Variants in DLGAP2 observed in about 807,000 individuals in gnomAD.
DLGAP2 encodes disks large-associated protein 2.
A neutral mutation model predicts 100.3 loss-of-function variants in DLGAP2; 26 were observed. That is an observed-to-expected ratio of 0.26 (90% CI 0.19 to 0.36). DLGAP2 has a LOEUF of 0.36. Ranked by LOEUF, DLGAP2 falls within the 10% of genes least tolerant of loss-of-function variation. The probability of loss-of-function intolerance (pLI) is 1.00; values close to 1 mark genes in which losing one functional copy is unlikely to be tolerated. For missense variants in DLGAP2, 1,858 were observed against 1,453.2 expected, an observed-to-expected ratio of 1.28 and a Z score of -4.53; for synonymous variants, 886 against 630.1, an observed-to-expected ratio of 1.41 and a Z score of -6.08.
chr8:1,505,006 AAAGG>A (rs1348329559), intron 4 of DLGAP2, among the ~76,000 whole-genome samples: 1 of 152,200 alleles, frequency 6.6e-6, no homozygotes, highest in Non-Finnish European at 1.5e-5. Flanking sequence ...ACACAAAAAG[AAAGG>A]AAGGAAGAAG....
chr8:1,114,514 T>G (rs1353619153), intron 2 of DLGAP2, among the ~76,000 whole-genome samples: 2 of 152,126 alleles, frequency 1.3e-5, no homozygotes, highest in Admixed American at 1.3e-4. Context: ...TTTTGGTGGT[T>G]ATTTTTATTT....
chr8:1,026,551 T>A (rs1801806119), intron 2 of DLGAP2, among the ~76,000 whole-genome samples: 2 of 152,254 alleles, frequency 1.3e-5, no homozygotes, highest in Admixed American at 1.3e-4. Flanking sequence ...CTTTGCAGGT[T>A]GTCTTATATT....
chr8:1,243,791 C>T (rs1260161762), intron 2 of DLGAP2, among the ~76,000 whole-genome samples: 2 of 152,164 alleles, frequency 1.3e-5, no homozygotes, highest in African/African-American at 4.8e-5. Context: ...ACCCACCCTG[C>T]CACCATTGAA....
chr8:1,038,083 A>G (rs1430656461), intron 2 of DLGAP2, among the ~76,000 whole-genome samples: 1 of 152,192 alleles, frequency 6.6e-6, no homozygotes, highest in Non-Finnish European at 1.5e-5. Context: ...CGGATGCTGT[A>G]GGTAGGCTGT....
intron 2 of DLGAP2, among the ~76,000 whole-genome samples, chr8:983,140 C>T (rs950675376): frequency 5.9e-5 from 9 of 152,192 alleles, no homozygotes; most frequent in Non-Finnish European, 1.0e-4. Context: ...GCACAAGTTT[C>T]CCATTTAGAT....
chr8:1,250,573 G>T (rs538049909), intron 2 of DLGAP2: 7 of 152,264 alleles, frequency 4.6e-5, no homozygotes, highest in African/African-American at 1.4e-4. Context: ...TCCTGAGCAG[G>T]TAATTATCTC....
rs537657991 is a variant in DLGAP2 at position 1,623,337 on chromosome 8, C to G, written c.1443-3403C>G. Among the ~76,000 whole-genome samples the G allele has an allele frequency of 2.0e-5, 3 of 152,094 alleles. No individual in the cohort carries two copies. The East Asian group carries it at 5.8e-4, about 29-fold the overall frequency. On this transcript the variant is annotated intron_variant, in intron 6 of 14. Coordinates refer to ENST00000637795, the MANE Select transcript of DLGAP2 (RefSeq NM_001346810.2). ...GGCACCAGTGTGTGATGACCTGGCA[C>G]CAGTGTGTGAAGACCTGTGCGTGAT... is the stretch of plus-strand genomic sequence containing the variant.
intron 2 of DLGAP2, among the ~76,000 whole-genome samples, chr8:1,170,007 T>C (rs1236007437): frequency 6.6e-6 from 1 of 151,704 alleles, no homozygotes; most frequent in East Asian, 1.9e-4. Context: ...CAGTATGATA[T>C]TGGCTGTGGG....
intron 1 of DLGAP2, among the ~76,000 whole-genome samples, chr8:896,599 T>C (rs543588055): frequency 3.3e-5 from 5 of 151,978 alleles, no homozygotes; most frequent in Admixed American, 3.3e-4. Context: ...GACGGCGAGG[T>C]GTAGTCACGA....
chr8:1,184,504 A>T (rs558565165), intron 2 of DLGAP2, among the ~76,000 whole-genome samples: 21 of 152,304 alleles, frequency 1.4e-4, no homozygotes, highest in African/African-American at 4.3e-4. Flanking sequence ...CCCGGGGTGC[A>T]CGCGCTGTTC....
At chr8:814,714 G>T (rs1041756817) in intron 1 of DLGAP2, among the ~76,000 whole-genome samples, 1 of 151,576 alleles carries the variant, frequency 6.6e-6, no homozygotes, top group South Asian at 2.1e-4. Flanking sequence ...TTAGCTGGGC[G>T]TGGTGGCAGG....
At chr8:861,735 C>A (rs1013927855) in intron 1 of DLGAP2, among the ~76,000 whole-genome samples, 4 of 152,214 alleles carry the variant, frequency 2.6e-5, no homozygotes, top group Non-Finnish European at 4.4e-5. Context: ...TCCGTTCCTA[C>A]TCAAGGGACA....
chr8:1,117,320 C>T (rs11136348), intron 2 of DLGAP2, among the ~76,000 whole-genome samples: 2 of 152,204 alleles, frequency 1.3e-5, no homozygotes, highest in Non-Finnish European at 1.5e-5. Context: ...AGGTGCCACA[C>T]TGGGGACGCC....
rs1176362215 is a variant in DLGAP2, at chr8:1,462,215, G to A, written c.107-39151G>A. Reference sequence around the variant, plus strand: ...GTCACTGATTTGGTGGCCAGGAGGAGGGAGAAGGGTGGCGTTCAGGTTGGG... The same window carrying A: ...GTCACTGATTTGGTGGCCAGGAGGAAGGAGAAGGGTGGCGTTCAGGTTGGG... On this transcript the variant is annotated intron_variant, in intron 3 of 14. Transcript: ENST00000637795. 2.6e-5 allele frequency among the ~76,000 whole-genome samples: 2 copies of A among 77,776 alleles called. 1 individual carries two copies. Among genetic ancestry groups the A allele is most frequent in the Non-Finnish European group, 4.8e-5 (2 of 41,408 alleles). The allele number at this position is 77,776 out of a possible 152,430, so 51.0% of individuals were successfully genotyped here. A position where few individuals can be genotyped will look rare whatever the true frequency, so the allele number is the denominator to read the frequency against.
At chr8:867,470 T>C (rs762585290) in intron 1 of DLGAP2, among the ~76,000 whole-genome samples, 42 of 152,230 alleles carry the variant, frequency 2.8e-4, no homozygotes, top group Non-Finnish European at 5.1e-4. Flanking sequence ...TGTTACCTTC[T>C]TTCGATACCC....
At chr8:762,515 A>G (rs1300050741) in intron 1 of DLGAP2, among the ~76,000 whole-genome samples, 1 of 152,122 alleles carries the variant, frequency 6.6e-6, no homozygotes, top group African/African-American at 2.4e-5. Flanking sequence ...TATTTAAGAG[A>G]AACCATTCCG....
intron 2 of DLGAP2, among the ~76,000 whole-genome samples, chr8:1,144,433 C>G (rs1200406642): frequency 6.6e-6 from 1 of 152,210 alleles, no homozygotes; most frequent in Non-Finnish European, 1.5e-5. Flanking sequence ...ACAATGATGA[C>G]AGTGAGCTTT....
At chr8:1,620,206 A>G (rs906918750) in intron 6 of DLGAP2, among the ~76,000 whole-genome samples, 1 of 152,128 alleles carries the variant, frequency 6.6e-6, no homozygotes, top group Non-Finnish European at 1.5e-5. Context: ...CTTTTTAAAA[A>G]TGACCCCAGC....
At chr8:1,605,918 C>T (rs527532478) in intron 6 of DLGAP2, among the ~76,000 whole-genome samples, 5 of 152,346 alleles carry the variant, frequency 3.3e-5, no homozygotes, top group South Asian at 4.1e-4. Context: ...AATCTCAGCT[C>T]GAGCTCGTGC....
Sources: allele counts gnomAD v4.1 joint callset (sites outside exome capture counted in the v4.1 genomes callset), GRCh38; gene constraint gnomAD v4.1.1; transcripts MANE v1.5; gene names NCBI Gene and HGNC (gene_info 2026-07-23, HGNC 2026-07-21).